FOXN3: variants seen among roughly 807,000 people sequenced by gnomAD.
FOXN3 encodes the protein forkhead box N3, also known as forkhead box protein N3.
FOXN3 carries 7 observed loss-of-function variants against 38.4 expected under a neutral mutation model. The ratio of observed to expected loss-of-function variants is 0.18; its 90% confidence interval spans 0.10 to 0.34. The LOEUF (loss-of-function observed/expected upper bound fraction) is 0.34, where lower values mean the gene tolerates loss of function less well. FOXN3 is among the 10% of genes least tolerant of loss of function. The pLI, the probability that FOXN3 is intolerant of heterozygous loss-of-function variation, is 1.00. For missense variants in FOXN3, 456 were observed against 613.4 expected (o/e 0.74, Z 2.71); for synonymous variants, 230 against 242.2 (o/e 0.95, Z 0.47).
chr14:89,377,320 T>A (rs1890515068), intron 2 of FOXN3, among the ~76,000 whole-genome samples: 1 of 148,242 alleles, frequency 6.7e-6, no homozygotes, highest in African/African-American at 2.6e-5. Context: ...AAAAAATAAA[T>A]AAATAAATAA....
intron 2 of FOXN3, among the ~76,000 whole-genome samples, chr14:89,390,262 CAT>C (rs1360210964): frequency 1.3e-5 from 2 of 148,390 alleles, no homozygotes; most frequent in Admixed American, 6.8e-5. Context: ...TGTTTTCAGC[CAT>C]ATGTTTCAAT....
At chr14:89,609,188 T>A (rs1251204046) in intron 1 of FOXN3, among the ~76,000 whole-genome samples, 1 of 152,150 alleles carries the variant, frequency 6.6e-6, no homozygotes, top group African/African-American at 2.4e-5. Flanking sequence ...CTTGGTAGAC[T>A]GGGCAATGAG....
chr14:89,395,063 G>T (rs1213619655), intron 2 of FOXN3, among the ~76,000 whole-genome samples: 4 of 152,196 alleles, frequency 2.6e-5, no homozygotes, highest in African/African-American at 9.7e-5. Context: ...GCGTTCATGT[G>T]CAACATTGTT....
chr14:89,511,181 CTTTCTTTCTTTTCTTTCTTTCTTTTCTTT>C (rs1894062903), intron 1 of FOXN3, among the ~76,000 whole-genome samples: 1 of 35,158 alleles, frequency 2.8e-5, no homozygotes. Flanking sequence ...TTCTTTCTTT[CTTTCTTTCTTTTCTTTCTTTCTTTTCTTT>C]CTTTCTTTCT....
upstream of FOXN3, among the ~76,000 whole-genome samples, chr14:89,421,060 A>G (rs1344978187): frequency 6.6e-6 from 1 of 151,854 alleles, no homozygotes; most frequent in Non-Finnish European, 1.5e-5. Flanking sequence ...AAAAGGCTAA[A>G]ATAGTGGTTC....
chr14:89,230,004 ACAC>A (rs1190539604), intron 4 of FOXN3, among the ~76,000 whole-genome samples: 23 of 152,186 alleles, frequency 1.5e-4, no homozygotes, highest in Admixed American at 1.5e-3. Flanking sequence ...ACAGGGTACA[ACAC>A]CACTGATCAA....
intron 1 of FOXN3, among the ~76,000 whole-genome samples, chr14:89,582,774 C>G (rs1030028049): frequency 6.6e-6 from 1 of 152,184 alleles, no homozygotes; most frequent in African/African-American, 2.4e-5. Context: ...ATCCTTCTCC[C>G]AGCCATCTCC....
At chr14:89,592,408 A>G (rs1170831725) in intron 1 of FOXN3, among the ~76,000 whole-genome samples, 1 of 152,210 alleles carries the variant, frequency 6.6e-6, no homozygotes, top group African/African-American at 2.4e-5. Context: ...TGTACAGCAG[A>G]ATGACTTATA....
intron 1 of FOXN3, among the ~76,000 whole-genome samples, chr14:89,442,409 G>C (rs1031901475): frequency 6.6e-6 from 1 of 152,132 alleles, no homozygotes; most frequent in Non-Finnish European, 1.5e-5. Context: ...TGGGAAACAG[G>C]TCTGCTCTCT....
At chr14:89,193,820 T>C (rs564420503) in intron 4 of FOXN3, among the ~76,000 whole-genome samples, 12 of 152,300 alleles carry the variant, frequency 7.9e-5, no homozygotes, top group African/African-American at 2.9e-4. Flanking sequence ...CGTAGGAGAG[T>C]TCCAGTTGCT....
intron 3 of FOXN3, among the ~76,000 whole-genome samples, chr14:89,319,710 T>C (rs1390979579): frequency 6.6e-6 from 1 of 152,116 alleles, no homozygotes; most frequent in Non-Finnish European, 1.5e-5. Flanking sequence ...CTATGTTCAA[T>C]CTTCTGCACT....
At chr14:89,411,146 C>T (rs538654133) in intron 2 of FOXN3, among the ~76,000 whole-genome samples, 1 of 152,234 alleles carries the variant, frequency 6.6e-6, no homozygotes, top group South Asian at 2.1e-4. Context: ...GTGTATGCAA[C>T]GGATCTAGGT....
chr14:89,294,998 G>A (rs1340541408), intron 3 of FOXN3, among the ~76,000 whole-genome samples: 1 of 152,038 alleles, frequency 6.6e-6, no homozygotes, highest in Non-Finnish European at 1.5e-5. Context: ...TGTAACAAAT[G>A]CTTACAGGGC....
intron 1 of FOXN3, among the ~76,000 whole-genome samples, chr14:89,446,922 C>G (rs1337007424): frequency 6.6e-6 from 1 of 152,186 alleles, no homozygotes; most frequent in African/African-American, 2.4e-5. Context: ...CTGGGCCGGG[C>G]ACGGTGGCTC....
intron 3 of FOXN3, among the ~76,000 whole-genome samples, chr14:89,306,112 C>G (rs1887361841): frequency 1.3e-5 from 2 of 152,224 alleles, no homozygotes; most frequent in South Asian, 4.1e-4. Flanking sequence ...TGTCTGCATT[C>G]TCAATTCCCT....
intron 1 of FOXN3, among the ~76,000 whole-genome samples, chr14:89,542,549 T>C (rs1352010107): frequency 6.6e-6 from 1 of 152,218 alleles, no homozygotes; most frequent in Non-Finnish European, 1.5e-5. Context: ...GTCATTGCTT[T>C]TGTAGAACAG....
chr14:89,419,934 ATAGGAAGAGTCCGAG>A (rs1171103162), upstream of FOXN3: 10 of 152,326 alleles, frequency 6.6e-5, no homozygotes, highest in Non-Finnish European at 1.5e-4. Context: ...ACTGCCCAAA[ATAGGAAGAGTCCGAG>A]GCAGGCCTGG....
intron 3 of FOXN3, chr14:89,290,523 G>A (rs942119161): frequency 3.1e-5 from 16 of 523,584 alleles, no homozygotes; most frequent in African/African-American, 1.6e-4. Flanking sequence ...CCCTTTCATC[G>A]GGAGAGCTGA....
intron 4 of FOXN3, among the ~76,000 whole-genome samples, chr14:89,242,291 C>T (rs145238268): frequency 1.3e-4 from 19 of 142,602 alleles, no homozygotes; most frequent in African/African-American, 4.7e-4. Context: ...CACAGTACTT[C>T]CTCCAATAGA....
Sources: gnomAD v4.1 joint callset for allele counts (sites outside exome capture counted in the v4.1 genomes callset) on GRCh38, gnomAD v4.1.1 for gene constraint, MANE v1.5 for transcripts, NCBI Gene and HGNC (gene_info 2026-07-23, HGNC 2026-07-21) for gene names.